RAB27B: variants seen among roughly 807,000 people sequenced by gnomAD.
RAB27B encodes ras-related protein Rab-27B.
In RAB27B, 15 loss-of-function variants were observed where a neutral mutation model predicts 24.6. The observed-to-expected ratio is 0.61, with a 90% CI of 0.41 to 0.94. RAB27B has a LOEUF of 0.94. Ranked by LOEUF, RAB27B falls within the 40% of genes least tolerant of loss-of-function variation. The probability of loss-of-function intolerance (pLI) is 0.00; values close to 1 mark genes in which losing one functional copy is unlikely to be tolerated. For missense variants in RAB27B, 261 were observed against 266.8 expected (o/e 0.98, Z 0.15); for synonymous variants, 105 against 92.5 (o/e 1.14, Z -0.78).
intron 2 of RAB27B, among the ~76,000 whole-genome samples, chr18:54,769,533 T>C (rs1306887035): frequency 6.6e-6 from 1 of 152,144 alleles, no homozygotes; most frequent in African/African-American, 2.4e-5. Flanking sequence ...AAGTCTATGA[T>C]TTGGTCTATT....
intron 1 of RAB27B, among the ~76,000 whole-genome samples, chr18:54,862,487 T>C (rs914954550): frequency 2.6e-5 from 4 of 152,298 alleles, no homozygotes; most frequent in Non-Finnish European, 5.9e-5. Context: ...TACACTGGAA[T>C]TGGGTGCTGA....
chr18:54,831,080 A>C (rs1340530580), intron 1 of RAB27B, among the ~76,000 whole-genome samples: 1 of 152,184 alleles, frequency 6.6e-6, no homozygotes, highest in African/African-American at 2.4e-5. Flanking sequence ...CTAGATAAGC[A>C]GGGTGAGTCT....
At chr18:54,840,382 A>C (rs1398036255) in intron 1 of RAB27B, among the ~76,000 whole-genome samples, 1 of 152,200 alleles carries the variant, frequency 6.6e-6, no homozygotes, top group Non-Finnish European at 1.5e-5. Context: ...AACAGCTATA[A>C]ATTACTGTTC....
At chr18:54,885,557 A>G (rs1364424124) in intron 4 of RAB27B, among the ~76,000 whole-genome samples, 6 of 151,802 alleles carry the variant, frequency 4.0e-5, no homozygotes, top group Non-Finnish European at 7.4e-5. Context: ...TAGTTTCTTC[A>G]TTCCCTTCAA....
chr18:54,882,339 A>T (rs1436665448), intron 3 of RAB27B, among the ~76,000 whole-genome samples: 3 of 152,170 alleles, frequency 2.0e-5, no homozygotes, highest in Non-Finnish European at 4.4e-5. Context: ...GTGAGCAAAT[A>T]CCAGGTTCTG....
chr18:54,782,619 C>A (rs1158757831), intron 2 of RAB27B, among the ~76,000 whole-genome samples: 1 of 152,104 alleles, frequency 6.6e-6, no homozygotes, highest in Non-Finnish European at 1.5e-5. Context: ...TCCAAGAAAA[C>A]CTCTACAATG....
chr18:54,741,924 TTAA>T (rs1910085544), intron 2 of RAB27B, among the ~76,000 whole-genome samples: 1 of 152,166 alleles, frequency 6.6e-6, no homozygotes, highest in Non-Finnish European at 1.5e-5. Context: ...TAGTCTAGAG[TTAA>T]ATACTTGCAA....
rs927089576 is a variant in RAB27B at position 54,848,375 on chromosome 18, T to C, written c.-20+19675T>C. On this transcript the variant is annotated intron_variant, in intron 1 of 5. Transcript: ENST00000262094. ...TTATGTTAGGTCTTGGTCCTTTATA[T>C]CATTAAAATATTAAATAGGAAAAAT... Among the ~76,000 whole-genome samples, 9 of 152,270 alleles carry C rather than the reference T, an allele frequency of 5.9e-5. No homozygotes were observed. The East Asian group carries it at 1.5e-3, about 26-fold the overall frequency.
At chr18:54,741,776 A>T (rs1378682563) in intron 2 of RAB27B, among the ~76,000 whole-genome samples, 1 of 152,210 alleles carries the variant, frequency 6.6e-6, no homozygotes, top group African/African-American at 2.4e-5. Context: ...TGCTGAGATT[A>T]CAGGGGTGAA....
At chr18:54,810,905 C>T (rs1909942513) in intron 2 of RAB27B, among the ~76,000 whole-genome samples, 1 of 151,482 alleles carries the variant, frequency 6.6e-6, no homozygotes, top group Admixed American at 6.6e-5. Context: ...TGAACCCTCC[C>T]CCTGCAATTG....
At chr18:54,739,649 G>C (rs547953381) in intron 2 of RAB27B, among the ~76,000 whole-genome samples, 1 of 151,274 alleles carries the variant, frequency 6.6e-6, no homozygotes, top group South Asian at 2.1e-4. Flanking sequence ...ATACCTAAGA[G>C]TGGAATGGCT....
chr18:54,778,650 T>C (rs1325463752), intron 2 of RAB27B, among the ~76,000 whole-genome samples: 6 of 152,122 alleles, frequency 3.9e-5, no homozygotes, highest in Non-Finnish European at 1.5e-5. Flanking sequence ...ATGATTACTA[T>C]TTTCTGTTTA....
At chr18:54,800,338 C>G (rs951708298) in intron 2 of RAB27B, among the ~76,000 whole-genome samples, 1 of 152,130 alleles carries the variant, frequency 6.6e-6, no homozygotes, top group Non-Finnish European at 1.5e-5. Context: ...AGATAAATCC[C>G]TAGATGTAGA....
At chr18:54,801,872 C>G (rs1909623507) in intron 2 of RAB27B, among the ~76,000 whole-genome samples, 1 of 152,248 alleles carries the variant, frequency 6.6e-6, no homozygotes, top group South Asian at 2.1e-4. Flanking sequence ...TTGCTATCCG[C>G]TATTAAAATT....
intron 1 of RAB27B, among the ~76,000 whole-genome samples, chr18:54,828,917 C>G (rs529016374): frequency 1.3e-5 from 2 of 152,264 alleles, no homozygotes; most frequent in African/African-American, 4.8e-5. Context: ...CTCGACCTGG[C>G]TCTCCTTGAG....
At chr18:54,841,056 G>A (rs914989170) in intron 1 of RAB27B, among the ~76,000 whole-genome samples, 1 of 151,514 alleles carries the variant, frequency 6.6e-6, no homozygotes, top group Non-Finnish European at 1.5e-5. Flanking sequence ...TGAGGCAGGA[G>A]AATTGCTTGA....
intron 2 of RAB27B, among the ~76,000 whole-genome samples, chr18:54,754,540 C>T (rs1907943095): frequency 1.3e-5 from 2 of 152,118 alleles, no homozygotes; most frequent in Non-Finnish European, 2.9e-5. Flanking sequence ...AAAGCTCCTC[C>T]ATTACAGAGT....
At chr18:54,874,904 C>G (rs1364041707) in intron 1 of RAB27B, among the ~76,000 whole-genome samples, 1 of 152,126 alleles carries the variant, frequency 6.6e-6, no homozygotes, top group Admixed American at 6.6e-5. Flanking sequence ...ATGGTGATAA[C>G]AGACCTTAAG....
At chr18:54,834,013 T>C (rs1219557853) in intron 1 of RAB27B, among the ~76,000 whole-genome samples, 1 of 152,196 alleles carries the variant, frequency 6.6e-6, no homozygotes, top group African/African-American at 2.4e-5. Flanking sequence ...ACTGGGAGGT[T>C]GAACTAAACA....
Sources: allele counts gnomAD v4.1 joint callset (sites outside exome capture counted in the v4.1 genomes callset), GRCh38; gene constraint gnomAD v4.1.1; transcripts MANE v1.5; gene names NCBI Gene and HGNC (gene_info 2026-07-23, HGNC 2026-07-21).